The following NPSR1 variants were observed in gnomAD, a reference collection of about 807,000 sequenced individuals.
NPSR1 encodes the protein neuropeptide S receptor 1.
In NPSR1, 48 loss-of-function variants were observed where a neutral mutation model predicts 46.9. The ratio of observed to expected loss-of-function variants is 1.02; its 90% CI spans 0.81 to 1.30. The LOEUF (loss-of-function observed/expected upper bound fraction) is 1.30. Ranked by LOEUF, NPSR1 falls within the 50% of genes most tolerant of loss-of-function variation. The pLI, the probability that NPSR1 is intolerant of heterozygous loss-of-function variation, is 0.00. For missense variants in NPSR1, 450 were observed against 449.5 expected, an observed-to-expected ratio of 1.00 and a Z score of -0.01; for synonymous variants, 176 against 168.1, an observed-to-expected ratio of 1.05 and a Z score of -0.36.
Position 34,848,597 on chromosome 7 carries a change from C to G in NPSR1, c.959C>G (p.Ala320Gly). 1.2e-6 allele frequency: 2 copies of G among 1,614,204 alleles called. No homozygotes were observed. Among genetic ancestry groups the G allele is most frequent in the Non-Finnish European group, 1.7e-6 (2 of 1,180,028 alleles). Residue 320 changes from alanine (A) to glycine (G), a missense_variant, in exon 8 of 9, where the codon GCA becomes GGA. Physicochemically the swap from Ala to Gly is moderately conservative, Grantham distance 60. Coordinates refer to ENST00000360581, the MANE Select transcript of NPSR1 (RefSeq NM_207172.2). The stretch of plus-strand genomic sequence containing the variant: ...TCTGTGATCATTCAGAACCTGCCAG[C>G]ATTGAATAGTGCCATCAACCCCCTC... ...YASVIIQNLP[A>G]LNSAINPLIY...
chr7:34,668,595 G>A (rs1033690411), intron 1 of NPSR1, among the ~76,000 whole-genome samples: 1 of 152,100 alleles, frequency 6.6e-6, no homozygotes, highest in African/African-American at 2.4e-5. Flanking sequence ...ATTCTCAGTG[G>A]GTTAAAATCA....
intron 3 of NPSR1, among the ~76,000 whole-genome samples, chr7:34,803,285 C>G (rs1370840881): frequency 4.6e-5 from 7 of 151,896 alleles, no homozygotes; most frequent in African/African-American, 1.2e-4. Flanking sequence ...TATTGCGGCA[C>G]TATTCACAAT....
chr7:34,682,618 A>C (rs938773956), intron 1 of NPSR1, among the ~76,000 whole-genome samples: 1 of 152,092 alleles, frequency 6.6e-6, no homozygotes, highest in Non-Finnish European at 1.5e-5. Context: ...ACACCACCTG[A>C]ATGGGAAGTG....
At chr7:34,710,556 G>A (rs1330189414) in intron 2 of NPSR1, among the ~76,000 whole-genome samples, 1 of 152,096 alleles carries the variant, frequency 6.6e-6, no homozygotes, top group African/African-American at 2.4e-5. Context: ...GAGATAGGTG[G>A]GGAAGCCATT....
intron 3 of NPSR1, among the ~76,000 whole-genome samples, chr7:34,793,033 A>T (rs1788011462): frequency 6.6e-6 from 1 of 151,864 alleles, no homozygotes. Context: ...AAAAGTAAAA[A>T]TAAAAATAAA....
chr7:34,839,271 A>G (rs1790487577), intron 6 of NPSR1, among the ~76,000 whole-genome samples: 1 of 152,384 alleles, frequency 6.6e-6, no homozygotes, highest in South Asian at 2.1e-4. Context: ...CAGCTGATCT[A>G]CAAGTTAATA....
At position 34,658,544 on chromosome 7, in the gene NPSR1, C is replaced by T. The variant is rs780096790; in HGVS notation, c.132C>T (p.Phe44=). The T allele has an allele frequency of 2.7e-5, 44 of 1,613,956 alleles. No individual in the cohort carries two copies. Among genetic ancestry groups the T allele is most frequent in the Non-Finnish European group, 3.4e-5 (40 of 1,179,952 alleles). The change falls in exon 1 of 9, where the codon TTC becomes TTT. Residue 44 remains phenylalanine, a synonymous_variant. Coordinates refer to ENST00000360581, the MANE Select transcript of NPSR1 (RefSeq NM_207172.2). ...EVVEGKEWGS[F]YYSFKTEQLI... ...TGGAAGGAAAGGAATGGGGTTCCTT[C>T]TACTACTCCTTTAAGGTAAGTTTCT... is the stretch of plus-strand genomic sequence containing the variant.
At chr7:34,866,607 G>A (rs372277471) in intron 8 of NPSR1, among the ~76,000 whole-genome samples, 1,945 of 151,582 alleles carry the variant, frequency 0.013, 66 homozygotes, top group African/African-American at 0.037. Flanking sequence ...TGCATAATTA[G>A]ACTGTGATAA....
chr7:34,839,084 C>G (rs1790480185), intron 6 of NPSR1, among the ~76,000 whole-genome samples: 1 of 152,098 alleles, frequency 6.6e-6, no homozygotes. Context: ...TAAGAGAAGC[C>G]CATTAACTGC....
rs1166959801 is a variant in NPSR1 at position 34,814,043 on chromosome 7, C to T, written c.478+2180C>T. On this transcript the variant is annotated intron_variant, in intron 4 of 8. Coordinates refer to ENST00000360581, the MANE Select transcript of NPSR1 (RefSeq NM_207172.2). Reference sequence around the variant, plus strand: ...TTTCCAACTGAGGTGCCTGGTTCATCTCACTGGGACTGGTTGGACAGTGGG... The same window carrying T: ...TTTCCAACTGAGGTGCCTGGTTCATTTCACTGGGACTGGTTGGACAGTGGG... Among the ~76,000 whole-genome samples, 4 of 152,228 alleles carry T rather than the reference C, an allele frequency of 2.6e-5. No individual in the cohort carries two copies. The South Asian group carries it at 8.3e-4, about 32-fold the overall frequency.
chr7:34,863,989 T>C (rs1354213462), intron 8 of NPSR1, among the ~76,000 whole-genome samples: 1 of 151,764 alleles, frequency 6.6e-6, no homozygotes, highest in Admixed American at 6.6e-5. Context: ...TGTCCATCAA[T>C]AGACTGGATA....
intron 1 of NPSR1, among the ~76,000 whole-genome samples, chr7:34,661,369 C>A (rs1329472541): frequency 6.6e-6 from 1 of 152,128 alleles, no homozygotes; most frequent in Admixed American, 6.5e-5. Context: ...GTACCTGGTC[C>A]AGCCCTGGGG....
chr7:34,681,249 G>A (rs1456964019), intron 1 of NPSR1, among the ~76,000 whole-genome samples: 2 of 152,072 alleles, frequency 1.3e-5, no homozygotes, highest in African/African-American at 2.4e-5. Context: ...ATTCTTTTTG[G>A]TTACCCATTC....
At chr7:34,739,405 AT>A (rs1370730903) in intron 2 of NPSR1, among the ~76,000 whole-genome samples, 1 of 151,826 alleles carries the variant, frequency 6.6e-6, no homozygotes, top group Non-Finnish European at 1.5e-5. Flanking sequence ...AGCACTTGTT[AT>A]TTTCCTTTTT....
chr7:34,719,761 T>C (rs1783755343), intron 2 of NPSR1: 1 of 152,186 alleles, frequency 6.6e-6, no homozygotes. Flanking sequence ...AGTTCGAGAC[T>C]CTGTCTGGCT....
intron 1 of NPSR1, among the ~76,000 whole-genome samples, chr7:34,668,968 C>A (rs999846014): frequency 2.6e-5 from 4 of 152,168 alleles, no homozygotes; most frequent in African/African-American, 9.7e-5. Flanking sequence ...AGCTCTGAGA[C>A]AGGCATTATC....
chr7:34,691,210 C>T (rs1389919130), intron 2 of NPSR1, among the ~76,000 whole-genome samples: 2 of 152,124 alleles, frequency 1.3e-5, no homozygotes, highest in South Asian at 2.1e-4. Context: ...ACCAGACTTA[C>T]AAGATATGCT....
intron 3 of NPSR1, among the ~76,000 whole-genome samples, chr7:34,792,987 C>A (rs1371559264): frequency 6.6e-6 from 1 of 151,046 alleles, no homozygotes; most frequent in African/African-American, 2.4e-5. Context: ...GAGTTTGAGA[C>A]CAGCTTGGGA....
chr7:34,673,594 C>T (rs1792166655), intron 1 of NPSR1, among the ~76,000 whole-genome samples: 1 of 152,120 alleles, frequency 6.6e-6, no homozygotes, highest in African/African-American at 2.4e-5. Context: ...ACCTCCCATC[C>T]CATTCACATT....
Sources: gnomAD v4.1 joint callset for allele counts (sites outside exome capture counted in the v4.1 genomes callset) on GRCh38, gnomAD v4.1.1 for gene constraint, MANE v1.5 for transcripts, NCBI Gene and HGNC (gene_info 2026-07-23, HGNC 2026-07-21) for gene names.